ANKS1B: variants seen among roughly 807,000 people sequenced by gnomAD.
ANKS1B encodes the protein ankyrin repeat and sterile alpha motif domain containing 1B, also known as ankyrin repeat and sterile alpha motif domain-containing protein 1B.
ANKS1B carries 36 observed loss-of-function variants against 148.3 expected under a neutral mutation model. That is an observed-to-expected ratio of 0.24 (90% CI 0.19 to 0.32). ANKS1B has a LOEUF of 0.32. ANKS1B is among the 10% of genes least tolerant of loss of function. The pLI, the probability that ANKS1B is intolerant of heterozygous loss-of-function variation, is 1.00. For synonymous variants in ANKS1B, 542 were observed against 560.8 expected (o/e 0.97, Z 0.47); for missense variants, 1,157 against 1,542.6 (o/e 0.75, Z 4.19).
chr12:99,542,943 T>C (rs2097140344), intron 9 of ANKS1B, among the ~76,000 whole-genome samples: 2 of 152,070 alleles, frequency 1.3e-5, no homozygotes, highest in Admixed American at 6.5e-5. Context: ...GTTTCTTAGA[T>C]ATAACACCAA....
At chr12:99,774,421 G>A (rs1379953323) in intron 7 of ANKS1B, among the ~76,000 whole-genome samples, 2 of 152,036 alleles carry the variant, frequency 1.3e-5, no homozygotes, top group African/African-American at 4.8e-5. Flanking sequence ...GTAAATGAAA[G>A]CCACAATGGG....
At chr12:99,864,303 T>C (rs1416090103) in intron 1 of ANKS1B, among the ~76,000 whole-genome samples, 10 of 152,150 alleles carry the variant, frequency 6.6e-5, no homozygotes, top group Non-Finnish European at 1.5e-4. Context: ...CTCAAAAATC[T>C]TTAGTGAATT....
At chr12:98,946,255 T>C (rs1349549491) in intron 17 of ANKS1B, among the ~76,000 whole-genome samples, 1 of 152,226 alleles carries the variant, frequency 6.6e-6, no homozygotes, top group African/African-American at 2.4e-5. Flanking sequence ...CATCTTATTA[T>C]AGATCTGATG....
At chr12:98,923,353 T>C (rs2099803983) in intron 17 of ANKS1B, among the ~76,000 whole-genome samples, 1 of 152,112 alleles carries the variant, frequency 6.6e-6, no homozygotes, top group Non-Finnish European at 1.5e-5. Context: ...AATAAACCTC[T>C]TTTCTTTATA....
intron 17 of ANKS1B, among the ~76,000 whole-genome samples, chr12:98,889,667 C>G (rs573345322): frequency 6.6e-6 from 1 of 152,318 alleles, no homozygotes; most frequent in Non-Finnish European, 1.5e-5. Context: ...TTAAGAGCTG[C>G]AGAAGTTTCT....
chr12:98,973,410 C>G (rs1243245718), intron 17 of ANKS1B, among the ~76,000 whole-genome samples: 2 of 152,144 alleles, frequency 1.3e-5, no homozygotes, highest in African/African-American at 4.8e-5. Context: ...CACTATAAAC[C>G]AGTTACAGGT....
intron 14 of ANKS1B, among the ~76,000 whole-genome samples, chr12:99,241,576 C>A (rs974110028): frequency 2.0e-5 from 3 of 152,156 alleles, no homozygotes; most frequent in African/African-American, 7.2e-5. Context: ...GATACCAAAG[C>A]CTGGCAGAGA....
At chr12:99,205,543 T>C (rs2082563185) in intron 14 of ANKS1B, among the ~76,000 whole-genome samples, 1 of 152,210 alleles carries the variant, frequency 6.6e-6, no homozygotes, top group East Asian at 1.9e-4. Flanking sequence ...AGGAGAGATG[T>C]TACTGAGCCC....
At chr12:98,945,512 A>AC (rs1567936460) in intron 17 of ANKS1B, among the ~76,000 whole-genome samples, 4 of 110,588 alleles carry the variant, frequency 3.6e-5, no homozygotes, top group East Asian at 2.8e-4. Flanking sequence ...AAACAAAAAA[A>AC]AAAAAAAAAA....
intron 17 of ANKS1B, among the ~76,000 whole-genome samples, chr12:98,986,408 A>G (rs905808362): frequency 6.6e-6 from 1 of 151,248 alleles, no homozygotes; most frequent in Non-Finnish European, 1.5e-5. Flanking sequence ...TTTGTATTTT[A>G]GTTTAGATAA....
chr12:98,750,853 G>C (rs2098068199), intron 26 of ANKS1B, among the ~76,000 whole-genome samples: 1 of 152,248 alleles, frequency 6.6e-6, no homozygotes, highest in South Asian at 2.1e-4. Context: ...TCAGCTGCGG[G>C]AGACAAAGCA....
intron 1 of ANKS1B, among the ~76,000 whole-genome samples, chr12:99,876,625 G>A (rs563760730): frequency 6.6e-6 from 1 of 151,938 alleles, no homozygotes; most frequent in Non-Finnish European, 1.5e-5. Context: ...AGCTACTCGG[G>A]AGGCTGAGGC....
At chr12:99,083,613 C>T (rs573054412) in intron 16 of ANKS1B, among the ~76,000 whole-genome samples, 2 of 152,086 alleles carry the variant, frequency 1.3e-5, no homozygotes, top group South Asian at 2.1e-4. Flanking sequence ...TTTTGAATTG[C>T]ATGAATATGT....
At chr12:99,818,110 G>T (rs569680053) in intron 2 of ANKS1B, among the ~76,000 whole-genome samples, 111 of 151,716 alleles carry the variant, frequency 7.3e-4, no homozygotes, top group Non-Finnish European at 1.4e-3. Flanking sequence ...TCAGGACATT[G>T]GTCTGGACAA....
At chr12:99,648,288 T>C (rs200401824) in intron 9 of ANKS1B, 13 of 1,614,066 alleles carry the variant, frequency 8.1e-6, no homozygotes, top group African/African-American at 2.7e-5. Context: ...GCGAGTATAC[T>C]ATATTCAGGT....
chr12:99,948,451 G>C (rs2095129759), intron 1 of ANKS1B, among the ~76,000 whole-genome samples: 1 of 151,374 alleles, frequency 6.6e-6, no homozygotes, highest in Non-Finnish European at 1.5e-5. Flanking sequence ...GCCAAAATTA[G>C]TATCATTTTA....
intron 17 of ANKS1B, among the ~76,000 whole-genome samples, chr12:98,941,228 T>A (rs551211689): frequency 3.0e-4 from 46 of 152,220 alleles, no homozygotes; most frequent in Non-Finnish European, 6.2e-4. Flanking sequence ...CTGTCACTTA[T>A]GCCTGAAAGA....
At chr12:99,588,907 A>G (rs936284700) in intron 9 of ANKS1B, among the ~76,000 whole-genome samples, 33 of 152,244 alleles carry the variant, frequency 2.2e-4, no homozygotes, top group African/African-American at 7.5e-4. Flanking sequence ...CCCCTAAATT[A>G]TAGTGACTTG....
intron 10 of ANKS1B, among the ~76,000 whole-genome samples, chr12:99,448,664 T>C (rs2095676214): frequency 6.6e-6 from 1 of 152,148 alleles, no homozygotes; most frequent in Non-Finnish European, 1.5e-5. Context: ...TTAAAACAGC[T>C]TGTTGTACAC....
Sources: gnomAD v4.1 joint callset for allele counts (sites outside exome capture counted in the v4.1 genomes callset) on GRCh38, gnomAD v4.1.1 for gene constraint, MANE v1.5 for transcripts, NCBI Gene and HGNC (gene_info 2026-07-23, HGNC 2026-07-21) for gene names.